CREM: variants seen among roughly 807,000 people sequenced by gnomAD.
CREM encodes the protein cAMP-responsive element modulator.
Under a neutral mutation model 37.3 loss-of-function variants are expected in CREM, and 13 were observed. That is an observed-to-expected ratio of 0.35 (90% CI 0.23 to 0.55). The LOEUF is 0.55. Among genes scored for constraint, CREM ranks in the 20% least tolerant of loss-of-function variants. The pLI is 0.88. For synonymous variants in CREM, 124 were observed against 120.2 expected (o/e 1.03, Z -0.21); for missense variants, 296 against 362.3 (o/e 0.82, Z 1.49).
intron 5 of CREM, among the ~76,000 whole-genome samples, chr10:35,186,310 G>A (rs2094551431): frequency 1.3e-5 from 2 of 151,938 alleles, no homozygotes; most frequent in African/African-American, 2.4e-5. Context: ...GAAACAAAAC[G>A]TTTGATCAGT....
intron 3 of CREM, among the ~76,000 whole-genome samples, chr10:35,149,940 C>CACACACACACACACACACA (rs1554890982): frequency 1.0e-4 from 4 of 38,098 alleles, no homozygotes; most frequent in Admixed American, 5.0e-4. Flanking sequence ...ACACACACAC[C>CACACACACACACACACACA]CTTGTTAAAA....
At chr10:35,188,511 T>TA in intron 6 of CREM, 123 bp downstream of exon 6, 2 of 731,310 alleles carry the variant, frequency 2.7e-6, no homozygotes, top group African/African-American at 1.8e-5. Flanking sequence ...GGGAGGCACT[T>TA]AAAAAGGCTT....
intron 1 of CREM, among the ~76,000 whole-genome samples, chr10:35,132,392 G>A (rs1166553952): frequency 1.3e-5 from 2 of 152,002 alleles, no homozygotes; most frequent in Non-Finnish European, 2.9e-5. Flanking sequence ...GAAATGAATT[G>A]AAAAAGAGAC....
chr10:35,186,958 A>ATT (rs1374403855), intron 5 of CREM, among the ~76,000 whole-genome samples: 2 of 97,008 alleles, frequency 2.1e-5, no homozygotes, highest in African/African-American at 8.9e-5. Flanking sequence ...TATATATATA[A>ATT]ATATATAATT....
chr10:35,183,938 G>A (rs939890432), intron 5 of CREM, among the ~76,000 whole-genome samples: 1 of 152,188 alleles, frequency 6.6e-6, no homozygotes, highest in Non-Finnish European at 1.5e-5. Flanking sequence ...GCCGGGTGTG[G>A]TGGTGCACAC....
intron 3 of CREM, chr10:35,175,566 G>GTT: frequency 8.8e-7 from 1 of 1,131,376 alleles, no homozygotes; most frequent in Non-Finnish European, 1.3e-6. Context: ...TAGTGAGGTA[G>GTT]TTTAACTGCT....
rs375882877 is a variant in CREM at position 35,176,556 on chromosome 10, C to T, written c.169-2333C>T. Among the ~76,000 whole-genome samples the T allele has an allele frequency of 7.2e-5, 11 of 151,840 alleles. No individual in the cohort carries two copies. The East Asian group carries it at 9.7e-4, about 13-fold the overall frequency. Reference sequence around the variant, plus strand: ...CCGAGTAGCTGGGACTACAGGCGCCCGCCACCATGCGTGGCTAATTTTTTT... The same window carrying T: ...CCGAGTAGCTGGGACTACAGGCGCCTGCCACCATGCGTGGCTAATTTTTTT... On this transcript the variant is annotated intron_variant, in intron 3 of 7. Coordinates refer to ENST00000685392, the MANE Select transcript of CREM (RefSeq NM_183011.2).
intron 6 of CREM, among the ~76,000 whole-genome samples, chr10:35,206,642 T>C (rs1255061863): frequency 2.0e-5 from 3 of 152,214 alleles, no homozygotes; most frequent in Non-Finnish European, 4.4e-5. Context: ...TTGCCTTTGA[T>C]AAAAACCTGT....
At chr10:35,196,395 T>C (rs1472850944) in intron 6 of CREM, 2 of 410,260 alleles carry the variant, frequency 4.9e-6, no homozygotes, top group East Asian at 9.0e-5. Flanking sequence ...GTGCTTGCAG[T>C]GTTGTTTATT....
At chr10:35,154,198 A>G in intron 3 of CREM, 1 of 397,216 alleles carries the variant, frequency 2.5e-6, no homozygotes, top group Admixed American at 4.4e-5. Flanking sequence ...AATCTGGTGG[A>G]AAATTGGAAT....
At chr10:35,202,744 G>A (rs1258487630) in intron 6 of CREM, among the ~76,000 whole-genome samples, 1 of 152,108 alleles carries the variant, frequency 6.6e-6, no homozygotes, top group Non-Finnish European at 1.5e-5. Context: ...TTGTCATTTT[G>A]ATTTTATTGA....
chr10:35,155,117 A>G (rs2092815824), intron 3 of CREM, among the ~76,000 whole-genome samples: 1 of 152,218 alleles, frequency 6.6e-6, no homozygotes, highest in African/African-American at 2.4e-5. Flanking sequence ...TTTTGGTTTT[A>G]TAATTACAAT....
At chr10:35,169,407 G>A (rs2093697658) in intron 3 of CREM, among the ~76,000 whole-genome samples, 1 of 152,142 alleles carries the variant, frequency 6.6e-6, no homozygotes, top group Admixed American at 6.6e-5. Context: ...TCTGTTACTG[G>A]TGTATAAGAA....
At chr10:35,176,154 T>G (rs958565445) in intron 3 of CREM, among the ~76,000 whole-genome samples, 1 of 152,246 alleles carries the variant, frequency 6.6e-6, no homozygotes, top group African/African-American at 2.4e-5. Flanking sequence ...CGTAAGGTGC[T>G]CTGTGTCCTG....
intron 3 of CREM, chr10:35,167,586 T>A: frequency 2.6e-6 from 2 of 777,744 alleles, no homozygotes; most frequent in Non-Finnish European, 2.1e-6. Flanking sequence ...AATGCTGTGT[T>A]ACAACACTGT....
At chr10:35,145,793 A>AG in intron 2 of CREM, among the ~76,000 whole-genome samples, 1 of 150,802 alleles carries the variant, frequency 6.6e-6, no homozygotes, top group Admixed American at 6.6e-5. Flanking sequence ...AAAAAAAAAA[A>AG]AAAAAAGAAA....
At chr10:35,201,412 TGTGA>T in intron 6 of CREM, 2 of 1,550,576 alleles carry the variant, frequency 1.3e-6, no homozygotes, top group Non-Finnish European at 1.7e-6. Context: ...TAGGGTTTAT[TGTGA>T]GTATTAAATG....
intron 6 of CREM, among the ~76,000 whole-genome samples, chr10:35,194,120 A>AAAAAAAAAAAAAAAAAAAC (rs2095046031): frequency 6.6e-6 from 1 of 150,538 alleles, no homozygotes; most frequent in Non-Finnish European, 1.5e-5. Flanking sequence ...AAAAAAAAAA[A>AAAAAAAAAAAAAAAAAAAC]AAAAGACAAA....
chr10:35,191,607 G>C (rs1410823479), intron 6 of CREM, among the ~76,000 whole-genome samples: 2 of 152,002 alleles, frequency 1.3e-5, no homozygotes, highest in African/African-American at 4.8e-5. Flanking sequence ...TGCCTGTCTT[G>C]GCTGATGCCT....
Sources: allele counts gnomAD v4.1 joint callset (sites outside exome capture counted in the v4.1 genomes callset), GRCh38; gene constraint gnomAD v4.1.1; transcripts MANE v1.5; gene names NCBI Gene and HGNC (gene_info 2026-07-23, HGNC 2026-07-21).